PTPRN2: variants seen among roughly 807,000 people sequenced by gnomAD.
The protein encoded by PTPRN2 is protein tyrosine phosphatase receptor type N2.
A neutral mutation model predicts 118.8 loss-of-function variants in PTPRN2; 74 were observed. That is an observed-to-expected ratio of 0.62 (90% confidence interval 0.52 to 0.76). The LOEUF is 0.76. PTPRN2 is among the 30% of genes least tolerant of loss of function. The pLI, the probability that PTPRN2 is intolerant of heterozygous loss-of-function variation, is 0.00. For missense variants in PTPRN2, 1,481 were observed against 1,394.4 expected (o/e 1.06, Z -0.99); for synonymous variants, 641 against 608.0 (o/e 1.05, Z -0.80).
chr7:157,681,817 A>G (rs553187355), intron 13 of PTPRN2, among the ~76,000 whole-genome samples: 47 of 152,380 alleles, frequency 3.1e-4, no homozygotes, highest in Middle Eastern at 3.4e-3. Context: ...ATTATTTACA[A>G]GACGTATTGC....
intron 12 of PTPRN2, among the ~76,000 whole-genome samples, chr7:157,736,729 G>T (rs1488259585): frequency 2.0e-5 from 3 of 148,492 alleles, no homozygotes; most frequent in Non-Finnish European, 4.6e-5. Context: ...GAGGCTTGGT[G>T]TCCGCCCCTG....
chr7:157,542,814 C>A (rs1798077166), intron 22 of PTPRN2, among the ~76,000 whole-genome samples: 2 of 152,228 alleles, frequency 1.3e-5, no homozygotes, highest in Admixed American at 6.5e-5. Flanking sequence ...TTACTCAGAG[C>A]CCACTGGGCC....
Position 158,565,127 on chromosome 7 carries a change from T to C in PTPRN2, c.112+22431A>G, listed in dbSNP as rs11977292. ...GAAACAAACAAGGCATGGAGGCTTC[T>C]GCTCTATAAAACTATGAGGTTCCCA... is the stretch of plus-strand genomic sequence containing the variant. On this transcript the variant is annotated intron_variant, in intron 1 of 22. Transcript: ENST00000389418. This position sits in a 1 kb window ranked among gnomAD's most constrained non-coding sequence, Gnocchi z 4.6. Among the ~76,000 whole-genome samples, 1,153 of 152,348 alleles carry C rather than the reference T, an allele frequency of 7.6e-3. 11 individuals are homozygous for C. The highest frequency in any genetic ancestry group is 0.026 in the African/African-American group (1,092 of 41,578).
intron 12 of PTPRN2, among the ~76,000 whole-genome samples, chr7:157,791,855 C>T (rs1804523774): frequency 6.6e-6 from 1 of 152,248 alleles, no homozygotes; most frequent in Admixed American, 6.5e-5. Flanking sequence ...CGCCGTGCAG[C>T]ACGCTCGGAG....
Position 158,110,893 on chromosome 7 carries a change from T to C in PTPRN2, c.1579A>G (p.Arg527Gly). ...DRDPLRPEEG[R>G]RLVEDVARLL... ...CGGGCGACGTCCTCCACCAGCCGCCTTCCTTCCTCGGGGCGCAGGGGGCTG... is the reference window on the plus strand; with the variant it reads ...CGGGCGACGTCCTCCACCAGCCGCCCTCCTTCCTCGGGGCGCAGGGGGCTG... Residue 527 changes from arginine to glycine, a missense_variant, in exon 10 of 23, where the codon AGG (arginine) becomes GGG (glycine). By Grantham distance (125) the Arg-to-Gly change is moderately radical. Around this residue, in one of 3 missense-constraint regions of PTPRN2, gnomAD observed 1,115 missense variants for 994.2 expected, o/e 1.12. Transcript: ENST00000389418. 1 of 1,577,524 alleles carries C rather than the reference T, an allele frequency of 6.3e-7. No homozygotes were observed. Among genetic ancestry groups the C allele is most frequent in the Non-Finnish European group, 8.6e-7 (1 of 1,162,114 alleles).
chr7:157,995,651 C>T (rs1585165354), intron 11 of PTPRN2, among the ~76,000 whole-genome samples: 1 of 152,380 alleles, frequency 6.6e-6, no homozygotes, highest in East Asian at 1.9e-4. Flanking sequence ...CAAGGGCTTG[C>T]CAGCCCCGCA....
chr7:158,163,078 G>A (rs1017011641), intron 6 of PTPRN2, among the ~76,000 whole-genome samples: 1 of 152,208 alleles, frequency 6.6e-6, no homozygotes, highest in Non-Finnish European at 1.5e-5. Context: ...TCGATGTCTG[G>A]ATTTGCTTTA....
chr7:158,365,850 C>CACACA (rs57276163), intron 2 of PTPRN2, among the ~76,000 whole-genome samples: 40,070 of 102,110 alleles, frequency 0.39, 11,011 homozygotes, highest in African/African-American at 0.43. Flanking sequence ...ACACACACAC[C>CACACA]CACACACACA....
chr7:158,321,955 C>T (rs917035280), intron 2 of PTPRN2, among the ~76,000 whole-genome samples: 2 of 152,236 alleles, frequency 1.3e-5, no homozygotes, highest in Non-Finnish European at 2.9e-5. Context: ...ACAGACACTG[C>T]CCGTGCCTCT....
intron 1 of PTPRN2, among the ~76,000 whole-genome samples, chr7:158,553,565 T>C (rs1404188665): frequency 1.3e-5 from 2 of 151,478 alleles, no homozygotes; most frequent in East Asian, 3.9e-4. Context: ...TGCACAGGCT[T>C]GGGAATTTAT....
intron 2 of PTPRN2, among the ~76,000 whole-genome samples, chr7:158,337,140 C>A (rs1805756315): frequency 6.6e-6 from 1 of 152,202 alleles, no homozygotes; most frequent in Non-Finnish European, 1.5e-5. Flanking sequence ...CACTTACAGC[C>A]ATACTCTCAC....
At chr7:158,340,466 C>A (rs1293921211) in intron 2 of PTPRN2, among the ~76,000 whole-genome samples, 3 of 113,112 alleles carry the variant, frequency 2.7e-5, no homozygotes, top group African/African-American at 3.2e-5. Context: ...ACGTCACTCA[C>A]ATCCACACTC....
chr7:158,151,651 G>A (rs1030204709), intron 6 of PTPRN2, among the ~76,000 whole-genome samples: 2 of 151,384 alleles, frequency 1.3e-5, no homozygotes, highest in East Asian at 1.9e-4. Context: ...ATACTCCCCC[G>A]CCCCCTCCTT....
chr7:157,985,982 G>A (rs1419081176), intron 11 of PTPRN2, among the ~76,000 whole-genome samples: 2 of 152,218 alleles, frequency 1.3e-5, no homozygotes, highest in Non-Finnish European at 2.9e-5. Flanking sequence ...AGATGCCACC[G>A]CATGTGAAAT....
chr7:157,870,408 T>C (rs905859705), intron 12 of PTPRN2, among the ~76,000 whole-genome samples: 6 of 152,258 alleles, frequency 3.9e-5, no homozygotes, highest in Non-Finnish European at 8.8e-5. Context: ...CTTTGGGGTG[T>C]TGTCCCTATA....
chr7:157,633,579 G>T (rs1804101498), intron 14 of PTPRN2, among the ~76,000 whole-genome samples: 1 of 152,250 alleles, frequency 6.6e-6, no homozygotes, highest in Non-Finnish European at 1.5e-5. Context: ...TGGGGACGGG[G>T]TGCACCTGGG....
At chr7:157,606,533 G>T (rs1255421660) in intron 15 of PTPRN2, among the ~76,000 whole-genome samples, 1 of 152,244 alleles carries the variant, frequency 6.6e-6, no homozygotes, top group African/African-American at 2.4e-5. Flanking sequence ...TCTTGGTGCT[G>T]CACACAACAC....
chr7:158,336,583 CAGACGTCATTCACACCCACA>C (rs2151193759), intron 2 of PTPRN2, among the ~76,000 whole-genome samples: 1 of 146,106 alleles, frequency 6.8e-6, no homozygotes, highest in African/African-American at 2.6e-5. Flanking sequence ...TTGACACCTG[CAGACGTCATTCACACCCACA>C]CTCTCACCAT....
intron 2 of PTPRN2, among the ~76,000 whole-genome samples, chr7:158,429,568 C>T (rs988791526): frequency 1.3e-5 from 2 of 152,242 alleles, no homozygotes; most frequent in African/African-American, 4.8e-5. Context: ...CTGGGAGAGC[C>T]TGGCCTGGTC....
Sources: allele counts gnomAD v4.1 joint callset (sites outside exome capture counted in the v4.1 genomes callset), GRCh38; gene constraint gnomAD v4.1.1; regional missense constraint gnomAD v4.1.1; non-coding constraint Gnocchi (gnomAD v3.1); transcripts MANE v1.5; gene names NCBI Gene and HGNC (gene_info 2026-07-23, HGNC 2026-07-21).